The following DYM variants were observed in gnomAD, a reference collection of about 807,000 sequenced individuals.
DYM encodes dyggve-Melchior-Clausen syndrome protein.
A neutral mutation model predicts 93.1 loss-of-function variants in DYM; 78 were observed. The observed-to-expected ratio is 0.84, with a 90% CI of 0.70 to 1.01. The LOEUF is 1.01. DYM is among the 50% of genes least tolerant of loss of function. The pLI, the probability that DYM is intolerant of heterozygous loss-of-function variation, is 0.00. For missense variants in DYM, 789 were observed against 845.0 expected, an observed-to-expected ratio of 0.93 and a Z score of 0.82; for synonymous variants, 321 against 319.7, an observed-to-expected ratio of 1.00 and a Z score of -0.04.
intron 7 of DYM, 40 bp downstream of exon 7, chr18:49,333,688 T>A: frequency 6.3e-7 from 1 of 1,599,164 alleles, no homozygotes; most frequent in South Asian, 1.1e-5. Context: ...TATAGATTTA[T>A]ACAATGAAAA....
At chr18:49,161,255 C>T (rs1358831262) in intron 15 of DYM, among the ~76,000 whole-genome samples, 1 of 152,168 alleles carries the variant, frequency 6.6e-6, no homozygotes. Flanking sequence ...GCAGAATTCA[C>T]AGGACTGTTA....
chr18:49,197,320 T>C (rs981586203), intron 14 of DYM, among the ~76,000 whole-genome samples: 2 of 152,000 alleles, frequency 1.3e-5, no homozygotes, highest in African/African-American at 4.8e-5. Flanking sequence ...TTTTTAAAAG[T>C]TCTAATGTTT....
chr18:49,376,222 C>T (rs1317285992), intron 5 of DYM, among the ~76,000 whole-genome samples: 3 of 152,278 alleles, frequency 2.0e-5, no homozygotes, highest in African/African-American at 7.2e-5. Context: ...AAAAGTAGAA[C>T]ATATGATTTC....
At chr18:49,360,821 C>T (rs544602591) in intron 6 of DYM, among the ~76,000 whole-genome samples, 1 of 152,034 alleles carries the variant, frequency 6.6e-6, no homozygotes, top group Non-Finnish European at 1.5e-5. Flanking sequence ...AAGAGGAAAC[C>T]CAAAGATATG....
intron 17 of DYM, among the ~76,000 whole-genome samples, chr18:49,067,219 A>G (rs1599484034): frequency 1.1e-5 from 1 of 87,602 alleles, no homozygotes; most frequent in East Asian, 3.8e-4. Flanking sequence ...AGCACTATGC[A>G]GGTTCAGTAG....
intron 8 of DYM, among the ~76,000 whole-genome samples, chr18:49,324,422 T>C (rs2062743433): frequency 6.6e-6 from 1 of 152,126 alleles, no homozygotes; most frequent in Non-Finnish European, 1.5e-5. Flanking sequence ...CAATAAGAAA[T>C]GGTACCATAG....
chr18:49,168,027 G>C (rs551103695), intron 14 of DYM, among the ~76,000 whole-genome samples: 1 of 151,744 alleles, frequency 6.6e-6, no homozygotes, highest in Non-Finnish European at 1.5e-5. Context: ...AAAATAAGCA[G>C]GAATCCTTAG....
At chr18:49,241,021 C>T (rs1464637086) in intron 13 of DYM, among the ~76,000 whole-genome samples, 1 of 152,172 alleles carries the variant, frequency 6.6e-6, no homozygotes. Flanking sequence ...ATGCTAAGGT[C>T]TCAGCAGTTT....
At chr18:49,249,840 A>AG (rs1307304486) in intron 13 of DYM, among the ~76,000 whole-genome samples, 1 of 152,220 alleles carries the variant, frequency 6.6e-6, no homozygotes, top group Non-Finnish European at 1.5e-5. Context: ...GTGAAAGCAT[A>AG]AGTCATGGAT....
chr18:49,282,969 G>A (rs1302236132), intron 9 of DYM, among the ~76,000 whole-genome samples: 2 of 152,110 alleles, frequency 1.3e-5, no homozygotes, highest in South Asian at 2.1e-4. Context: ...ATCAAAATCA[G>A]TATAGACGTT....
At chr18:49,093,177 G>A (rs994609835) in intron 17 of DYM, 1 of 152,322 alleles carries the variant, frequency 6.6e-6, no homozygotes, top group Non-Finnish European at 1.5e-5. Context: ...GGGTGAATCA[G>A]AGTGGGCTTC....
intron 2 of DYM, among the ~76,000 whole-genome samples, chr18:49,398,003 G>A (rs1599914212): frequency 6.6e-6 from 1 of 152,146 alleles, no homozygotes; most frequent in Non-Finnish European, 1.5e-5. Context: ...ATTAAAGAGT[G>A]TCATGCATAA....
At chr18:49,442,611 C>T (rs1455686401) in intron 1 of DYM, among the ~76,000 whole-genome samples, 1 of 151,872 alleles carries the variant, frequency 6.6e-6, no homozygotes, top group Non-Finnish European at 1.5e-5. Flanking sequence ...ACAGATGATT[C>T]TAAGAAAAAA....
chr18:49,433,450 T>C (rs1304629781), intron 1 of DYM, among the ~76,000 whole-genome samples: 1 of 152,248 alleles, frequency 6.6e-6, no homozygotes, highest in Non-Finnish European at 1.5e-5. Flanking sequence ...TTAACTCTAC[T>C]GAGAAGATTC....
chr18:49,143,695 G>A (rs2084779414), intron 15 of DYM, among the ~76,000 whole-genome samples: 1 of 152,070 alleles, frequency 6.6e-6, no homozygotes, highest in African/African-American at 2.4e-5. Context: ...AACCACTGTT[G>A]AGTATACAGT....
chr18:49,216,932 G>A (rs576582043), intron 13 of DYM, among the ~76,000 whole-genome samples: 175 of 152,334 alleles, frequency 1.1e-3, no homozygotes, highest in African/African-American at 3.9e-3. Flanking sequence ...GAGAGAAGAA[G>A]ACTTCAGACA....
At chr18:49,362,750 A>G (rs1196464860) in intron 6 of DYM, among the ~76,000 whole-genome samples, 1 of 152,184 alleles carries the variant, frequency 6.6e-6, no homozygotes, top group Non-Finnish European at 1.5e-5. Context: ...AGAAGGCTGG[A>G]AACGAAAACC....
chr18:49,337,793 C>A (rs1382464521), intron 6 of DYM, among the ~76,000 whole-genome samples: 1 of 152,096 alleles, frequency 6.6e-6, no homozygotes, highest in African/African-American at 2.4e-5. Flanking sequence ...ACCAATTCTG[C>A]CTGGGTCAGA....
chr18:49,254,325 T>TATATATATACAC (rs1279388698), intron 13 of DYM, among the ~76,000 whole-genome samples: 19 of 138,656 alleles, frequency 1.4e-4, no homozygotes, highest in African/African-American at 4.7e-4. Flanking sequence ...TATATATATA[T>TATATATATACAC]ACACACATAG....
Sources: gnomAD v4.1 joint callset for allele counts (sites outside exome capture counted in the v4.1 genomes callset) on GRCh38, gnomAD v4.1.1 for gene constraint, MANE v1.5 for transcripts, NCBI Gene and HGNC (gene_info 2026-07-23, HGNC 2026-07-21) for gene names.